The following MEDAG variants were observed in gnomAD, a reference collection of about 807,000 sequenced individuals.
MEDAG encodes the protein mesenteric estrogen-dependent adipogenesis protein.
Under a neutral mutation model 29.9 loss-of-function variants are expected in MEDAG, and 25 were observed. The observed-to-expected ratio is 0.84, with a 90% confidence interval of 0.61 to 1.17. The LOEUF (loss-of-function observed/expected upper bound fraction) is 1.17. Among genes scored for constraint, MEDAG ranks in the 50% most tolerant of loss-of-function variants. MEDAG has a pLI of 0.00. For synonymous variants in MEDAG, 158 were observed against 148.2 expected (o/e 1.07, Z -0.48); for missense variants, 398 against 372.9 (o/e 1.07, Z -0.56).
rs959446636 is a variant in MEDAG, at chr13:30,920,908, A to T, written c.389-106A>T. 28 of 837,428 alleles carry T rather than the reference A, an allele frequency of 3.3e-5. No homozygotes were observed. In the East Asian group the frequency reaches 7.4e-4, roughly 22 times the overall value. The allele number at this position is 837,428 out of a possible 1,614,324, so 51.9% of individuals were successfully genotyped here. A position where few individuals can be genotyped will look rare whatever the true frequency, so the allele number is the denominator to read the frequency against. On this transcript the variant is annotated intron_variant, in intron 2 of 4. Transcript: ENST00000380482. ...GAGCAGAGAGGAAGGTTATAAATGA[A>T]TAAAATCTTCAAAGGAGGTGGGAAC...
At position 30,906,754 on chromosome 13, in the gene MEDAG, T is replaced by G; in HGVS notation, c.239T>G (p.Leu80Arg). 2.0e-6 allele frequency: 3 copies of G among 1,510,736 alleles called. No individual in the cohort carries two copies. Among genetic ancestry groups the G allele is most frequent in the South Asian group, 2.5e-5 (2 of 78,556 alleles). 93.6% of individuals were successfully genotyped at this position (1,510,736 alleles called of 1,614,324 possible). ...GTCTTCGGTGACGGCCTCGTGCGCCTCGACGGGCAGCTCTACCGCCTCAGC... is the reference window on the plus strand; with the variant it reads ...GTCTTCGGTGACGGCCTCGTGCGCCGCGACGGGCAGCTCTACCGCCTCAGC... ...FNVFGDGLVR[L>R]DGQLYRLSSY... is the part of the protein sequence containing the mutation. The change falls in exon 1 of 5, where the codon CTC becomes CGC. Residue 80 changes from leucine (L) to arginine (R), a missense_variant. By Grantham distance (102) the Leu-to-Arg change is moderately radical. Transcript: ENST00000380482.
Position 30,921,027 on chromosome 13 carries a change from G to A in MEDAG, c.402G>A (p.Ala134=), listed in dbSNP as rs779786978. 3.0e-5 allele frequency: 48 copies of A among 1,613,722 alleles called. No homozygotes were observed. In the Middle Eastern group the frequency reaches 4.9e-4, roughly 17 times the overall value. Residue 134 remains alanine (A), a synonymous_variant, in exon 3 of 5, where the codon GCG becomes GCA. Coordinates refer to ENST00000380482, the MANE Select transcript of MEDAG (RefSeq NM_032849.4). ...KKDTSKERTY[A]FLVNTRHPKI... Reference sequence around the variant, plus strand: ...GCTAATTTCTAGAAAGGACGTACGCGTTTCTTGTAAACACGAGGCACCCCA... The same window carrying A: ...GCTAATTTCTAGAAAGGACGTACGCATTTCTTGTAAACACGAGGCACCCCA...
chr13:30,915,551 C>T (rs567522584), intron 1 of MEDAG, among the ~76,000 whole-genome samples: 4 of 152,138 alleles, frequency 2.6e-5, no homozygotes, highest in African/African-American at 9.7e-5. Context: ...CTTTTTCCTG[C>T]CTTCTCCTTT....
chr13:30,916,170 T>A (rs922858077), intron 1 of MEDAG: 3 of 152,170 alleles, frequency 2.0e-5, no homozygotes, highest in Non-Finnish European at 4.4e-5. Flanking sequence ...GCGGAAGCCG[T>A]GTTTTCCTGC....
Position 30,921,767 on chromosome 13 carries a change from G to A in MEDAG, c.708G>A (p.Lys236=). The change falls in exon 4 of 5, where the codon AAG becomes AAA. Residue 236 remains lysine (K), a synonymous_variant. Transcript: ENST00000380482. ...STSPEKKETI[K]LFLEKMSEPL... is the part of the protein sequence containing the mutation. ...GTCCAGAAAAGAAGGAGACGATTAA[G>A]TTATTTCTGGAAAAAATGAGTGAGC... The A allele has an allele frequency of 6.2e-7, 1 of 1,613,518 alleles. No homozygotes were observed. Among genetic ancestry groups the A allele is most frequent in the South Asian group, 1.1e-5 (1 of 90,774 alleles).
Position 30,916,482 on chromosome 13 carries a change from C to G in MEDAG, c.279-921C>G, listed in dbSNP as rs549013897. The G allele has an allele frequency of 7.2e-5, 11 of 152,434 alleles. No individual in the cohort carries two copies. The East Asian group carries it at 2.1e-3, about 29-fold the overall frequency. The allele number at this position is 152,434 out of a possible 1,614,324, so 9.4% of individuals were successfully genotyped here. A position where few individuals can be genotyped will look rare whatever the true frequency, so the allele number is the denominator to read the frequency against. On this transcript the variant is annotated intron_variant, in intron 1 of 4. Transcript: ENST00000380482. ...CGCGCTCAGCTCAGCCAGCCATTCG[C>G]TCCGTGCAGATGCTCGCAGCTGTGT...
intron 1 of MEDAG, chr13:30,915,911 T>A (rs968026368): frequency 6.6e-6 from 1 of 152,262 alleles, no homozygotes; most frequent in African/African-American, 2.4e-5. Flanking sequence ...CACACCCACC[T>A]TTTTCTTCTC....
rs142828800 is a variant in MEDAG at position 30,921,799 on chromosome 13, T to C, written c.740T>C (p.Ile247Thr). The change falls in exon 4 of 5, where the codon ATC (isoleucine) becomes ACC (threonine). Residue 247 changes from isoleucine (I) to threonine (T), a missense_variant. Transcript: ENST00000380482. ...LFLEKMSEPL[I>T]RRSSFSDRKF... ...CTGGAAAAAATGAGTGAGCCTTTAATCCGAAGGAGCAGTTTCTCTGACCGA... is the reference window on the plus strand; with the variant it reads ...CTGGAAAAAATGAGTGAGCCTTTAACCCGAAGGAGCAGTTTCTCTGACCGA... 4 of 1,612,106 alleles carry C rather than the reference T, an allele frequency of 2.5e-6. No individual in the cohort carries two copies. In the South Asian group the frequency reaches 3.3e-5, roughly 13 times the overall value.
Position 30,906,779 on chromosome 13 carries a change from C to A in MEDAG, c.264C>A (p.Ser88Arg). 6.7e-7 allele frequency: 1 copy of A among 1,503,606 alleles called. No homozygotes were observed. The highest frequency in any genetic ancestry group is 8.8e-7 in the Non-Finnish European group (1 of 1,137,268). The allele number at this position is 1,503,606 out of a possible 1,614,324, so 93.1% of individuals were successfully genotyped here. A position where few individuals can be genotyped will look rare whatever the true frequency, so the allele number is the denominator to read the frequency against. The change falls in exon 1 of 5, where the codon AGC becomes AGA. Residue 88 changes from serine (S) to arginine (R), a missense_variant. Coordinates refer to ENST00000380482, the MANE Select transcript of MEDAG (RefSeq NM_032849.4). ...VRLDGQLYRL[S>R]SYIKRYVELT... ...TCGACGGGCAGCTCTACCGCCTCAGCAGCTACATCAAGAGGTGGGTGGCCT... is the reference window on the plus strand; with the variant it reads ...TCGACGGGCAGCTCTACCGCCTCAGAAGCTACATCAAGAGGTGGGTGGCCT...
chr13:30,920,693 G>C (rs1952975006), intron 2 of MEDAG, among the ~76,000 whole-genome samples: 1 of 152,168 alleles, frequency 6.6e-6, no homozygotes. Flanking sequence ...ATGCTGTGGA[G>C]GCACAGTTCT....
At chr13:30,924,283 A>C in intron 4 of MEDAG, 28 bp from the exon 5 acceptor site, 1 of 1,592,564 alleles carries the variant, frequency 6.3e-7, no homozygotes, top group Non-Finnish European at 8.6e-7. Context: ...TGATGGTAAT[A>C]ATGCATGCTT....
Position 30,921,636 on chromosome 13 carries a change from G to T in MEDAG, c.577G>T (p.Ala193Ser), listed in dbSNP as rs756580451. 1.7e-5 allele frequency: 27 copies of T among 1,613,646 alleles called. No individual in the cohort carries two copies. In the Admixed American group the frequency reaches 4.5e-4, roughly 27 times the overall value. ...EVVNGENLSF[A>S]YEFKADALFD... ...GGTTAATGGAGAAAATTTAAGCTTTGCATATGAATTCAAAGCTGATGCATT... is the reference window on the plus strand; with the variant it reads ...GGTTAATGGAGAAAATTTAAGCTTTTCATATGAATTCAAAGCTGATGCATT... The change falls in exon 4 of 5, where the codon GCA becomes TCA. Residue 193 changes from alanine (A) to serine (S), a missense_variant. By Grantham distance (99) the Ala-to-Ser change is moderately conservative. Coordinates refer to ENST00000380482, the MANE Select transcript of MEDAG (RefSeq NM_032849.4).
intron 1 of MEDAG, among the ~76,000 whole-genome samples, chr13:30,908,591 C>CGAAGCCAGAACTCAGATATCTAAA (rs1952851470): frequency 6.6e-6 from 1 of 151,938 alleles, no homozygotes; most frequent in African/African-American, 2.4e-5. Context: ...GGAGGTATGC[C>CGAAGCCAGAACTCAGATATCTAAA]GAAGCCAGAA....
Position 30,920,915 on chromosome 13 carries a change from C to A in MEDAG, c.389-99C>A. On this transcript the variant is annotated intron_variant, in intron 2 of 4. Coordinates refer to ENST00000380482, the MANE Select transcript of MEDAG (RefSeq NM_032849.4). Reference sequence around the variant, plus strand: ...GAGGAAGGTTATAAATGAATAAAATCTTCAAAGGAGGTGGGAACCACTGCA... The same window carrying A: ...GAGGAAGGTTATAAATGAATAAAATATTCAAAGGAGGTGGGAACCACTGCA... The A allele has an allele frequency of 4.5e-6, 4 of 887,766 alleles. No homozygotes were observed. In the South Asian group the frequency reaches 4.7e-5, roughly 10 times the overall value. 55.0% of individuals were successfully genotyped at this position (887,766 alleles called of 1,614,324 possible).
intron 4 of MEDAG, among the ~76,000 whole-genome samples, chr13:30,923,148 T>C (rs956958853): frequency 3.9e-5 from 6 of 152,124 alleles, no homozygotes; most frequent in African/African-American, 1.4e-4. Flanking sequence ...CTCGAACTCC[T>C]GACCTCAAGT....
Position 30,925,140 on chromosome 13 carries a change from C to G in MEDAG, c.*705C>G, listed in dbSNP as rs963619607. On this transcript the variant is annotated 3_prime_UTR_variant, in exon 5 of 5. Coordinates refer to ENST00000380482, the MANE Select transcript of MEDAG (RefSeq NM_032849.4). ...AGAAGGAAGCCAGGAGATATGGTACCGAACAATGACAGGGGAAGGGTATTG... is the reference window on the plus strand; with the variant it reads ...AGAAGGAAGCCAGGAGATATGGTACGGAACAATGACAGGGGAAGGGTATTG... 1 of 152,080 alleles carries G rather than the reference C, an allele frequency of 6.6e-6. No homozygotes were observed. The highest frequency in any genetic ancestry group is 2.4e-5 in the African/African-American group (1 of 41,402). 9.4% of individuals were successfully genotyped at this position (152,080 alleles called of 1,614,324 possible). A position where few individuals can be genotyped will look rare whatever the true frequency, so the allele number is the denominator to read the frequency against.
chr13:30,917,488 C>T lies in MEDAG; in HGVS notation c.364C>T (p.Gln122Ter). Reference protein sequence around the residue: ...SKPMLFFINVQTKKDTSKERT... With the variant: ...SKPMLFFINV ...ACCAATGTTGTTCTTTATTAATGTA[C>T]AGACCAAAAAAGACACCTCAAAAGG... The change falls in exon 2 of 5, where the codon CAG becomes TAG. Residue 122 changes from glutamine to a stop codon, truncating the protein, a stop_gained. Coordinates refer to ENST00000380482, the MANE Select transcript of MEDAG (RefSeq NM_032849.4). LOFTEE classifies it high-confidence loss of function. 1 of 1,602,968 alleles carries T rather than the reference C, an allele frequency of 6.2e-7. No homozygotes were observed. The highest frequency in any genetic ancestry group is 8.5e-7 in the Non-Finnish European group (1 of 1,170,266).
In MEDAG at chr13:30,917,369, C is replaced by T. The variant is rs140495001; in HGVS notation, c.279-34C>T. ...CCTTCCTAATTTAGATGAAAGGGTA[C>T]GTTACATTTGCAATGATCTCTGCTT... On this transcript the variant is annotated intron_variant, in intron 1 of 4. Coordinates refer to ENST00000380482, the MANE Select transcript of MEDAG (RefSeq NM_032849.4). 1.8e-4 allele frequency: 212 copies of T among 1,209,092 alleles called. 1 individual carries two copies. The African/African-American group carries it at 2.5e-3, about 14-fold the overall frequency. 74.9% of individuals were successfully genotyped at this position (1,209,092 alleles called of 1,614,324 possible).
intron 1 of MEDAG, among the ~76,000 whole-genome samples, chr13:30,907,932 A>G (rs896328467): frequency 6.6e-6 from 1 of 152,248 alleles, no homozygotes; most frequent in African/African-American, 2.4e-5. Flanking sequence ...TTCCCCAGCA[A>G]GAATTTCTCC....
Sources: allele counts gnomAD v4.1 joint callset (sites outside exome capture counted in the v4.1 genomes callset), GRCh38; gene constraint gnomAD v4.1.1; transcripts MANE v1.5; gene names NCBI Gene and HGNC (gene_info 2026-07-23, HGNC 2026-07-21).